PHF12: variants seen among roughly 807,000 people sequenced by gnomAD.
PHF12 encodes PHD factor 1.
A neutral mutation model predicts 99.8 loss-of-function variants in PHF12; 6 were observed. The ratio of observed to expected loss-of-function variants is 0.06; its 90% CI spans 0.03 to 0.12. The LOEUF (loss-of-function observed/expected upper bound fraction) is 0.12. Among genes scored for constraint, PHF12 ranks in the 10% least tolerant of loss-of-function variants. The probability of loss-of-function intolerance (pLI) is 1.00; values close to 1 mark genes in which losing one functional copy is unlikely to be tolerated. For synonymous variants in PHF12, 480 were observed against 514.9 expected (o/e 0.93, Z 0.92); for missense variants, 954 against 1,300.1 (o/e 0.73, Z 4.09).
chr17:28,943,516 G>A (rs1243385977), intron 2 of PHF12, among the ~76,000 whole-genome samples: 1 of 152,108 alleles, frequency 6.6e-6, no homozygotes, highest in Non-Finnish European at 1.5e-5. Context: ...TGTAATCCCA[G>A]CTACCCGGGA....
chr17:28,950,885 CCACTCTTACCTCCAT>C lies in PHF12; in HGVS notation c.61_66+9del. On this transcript the variant is annotated splice_donor_variant and splice_donor_5th_base_variant and coding_sequence_variant and intron_variant, in exon 1 of 15. Transcript: ENST00000332830. LOFTEE classifies it high-confidence loss of function. This position sits in a 1 kb window ranked among gnomAD's most constrained non-coding sequence, Gnocchi z 5.7. Reference sequence around the variant, plus strand: ...CGCTGGAGGAAGGAGATGAGGAGGGCCACTCTTACCTCCATCAGCCCCCCTGATGTGTCCAAGTCG... The same window carrying C: ...CGCTGGAGGAAGGAGATGAGGAGGGCCAGCCCCCCTGATGTGTCCAAGTCG... 6.2e-7 allele frequency: 1 copy of C among 1,612,970 alleles called. No homozygotes were observed. Among genetic ancestry groups the C allele is most frequent in the Non-Finnish European group, 8.5e-7 (1 of 1,179,404 alleles).
chr17:28,922,117 A>G (rs2040177562), intron 4 of PHF12, among the ~76,000 whole-genome samples: 1 of 151,616 alleles, frequency 6.6e-6, no homozygotes, highest in African/African-American at 2.4e-5. Context: ...TAAGAAATGT[A>G]AATGTCCAAG....
At position 28,906,529 on chromosome 17, in the gene PHF12, GGGGAT is replaced by G; in HGVS notation, c.2681-17_2681-13del. On this transcript the variant is annotated splice_polypyrimidine_tract_variant and intron_variant, in intron 14 of 14. Transcript: ENST00000332830. The surrounding 1 kb of genome is among the most constrained non-coding windows in gnomAD (Gnocchi z 4.2). ...GTGCCGGCGGCGCCCTGGGAAAAAG[GGGGAT>G]GGTCACAGAAGAGGAACAGTGAGCA... is the stretch of plus-strand genomic sequence containing the variant. 6.3e-7 allele frequency: 1 copy of G among 1,588,690 alleles called. No individual in the cohort carries two copies. Among genetic ancestry groups the G allele is most frequent in the Admixed American group, 1.7e-5 (1 of 58,608 alleles).
At chr17:28,907,049 T>A in intron 13 of PHF12, 55 bp from the exon 14 acceptor site, 1 of 1,543,064 alleles carries the variant, frequency 6.5e-7, no homozygotes, top group South Asian at 1.2e-5. Flanking sequence ...GGCCTGGGGC[T>A]AAGGGGAGAG....
intron 2 of PHF12, among the ~76,000 whole-genome samples, chr17:28,942,713 G>A (rs960329152): frequency 5.3e-5 from 8 of 152,042 alleles, no homozygotes; most frequent in Non-Finnish European, 1.2e-4. Context: ...CTACTTGGGA[G>A]GCTGAGGCAG....
At position 28,924,541 on chromosome 17, in the gene PHF12, T is replaced by C. The variant is rs1166144031; in HGVS notation, c.322-239A>G. 12 of 580,938 alleles carry C rather than the reference T, an allele frequency of 2.1e-5. 1 individual carries two copies. Among genetic ancestry groups the C allele is most frequent in the Non-Finnish European group, 3.1e-6 (1 of 326,532 alleles). The allele number at this position is 580,938 out of a possible 1,614,324, so 36.0% of individuals were successfully genotyped here. A position where few individuals can be genotyped will look rare whatever the true frequency, so the allele number is the denominator to read the frequency against. On this transcript the variant is annotated intron_variant, in intron 3 of 14. Transcript: ENST00000332830. ...AAAAGCATGGTAAGTTAGGAATAAC[T>C]ATACAAAATATATATCATTAACATT...
chr17:28,907,964 A>G (rs2039899533), intron 12 of PHF12: 1 of 269,800 alleles, frequency 3.7e-6, no homozygotes, highest in Non-Finnish European at 7.3e-6. Flanking sequence ...CTATGAAAAT[A>G]CAACATCGGG....
intron 2 of PHF12, among the ~76,000 whole-genome samples, chr17:28,944,311 A>T (rs2040681065): frequency 6.6e-6 from 1 of 152,204 alleles, no homozygotes; most frequent in South Asian, 2.1e-4. Flanking sequence ...GACAGGCCTT[A>T]AGTGAAAAAT....
At chr17:28,947,433 C>G (rs1307560300) in intron 2 of PHF12, among the ~76,000 whole-genome samples, 2 of 151,964 alleles carry the variant, frequency 1.3e-5, no homozygotes, top group Non-Finnish European at 2.9e-5. Context: ...CAAAAATTAG[C>G]TGGGTGTGGT....
chr17:28,948,454 T>G (rs1376775400), intron 2 of PHF12, among the ~76,000 whole-genome samples: 1 of 152,208 alleles, frequency 6.6e-6, no homozygotes, highest in Admixed American at 6.5e-5. Context: ...CCTTAGTCAC[T>G]TCATAATAAA....
rs370889522 is a variant in PHF12, at chr17:28,911,096, C to T, written c.2215+16G>A. The T allele has an allele frequency of 3.7e-6, 6 of 1,613,890 alleles. No homozygotes were observed. Among genetic ancestry groups the T allele is most frequent in the Non-Finnish European group, 5.1e-6 (6 of 1,179,940 alleles). On this transcript the variant is annotated intron_variant, in intron 10 of 14. Coordinates refer to ENST00000332830, the MANE Select transcript of PHF12 (RefSeq NM_001033561.2). ...AACATAGCAAACGGTGGAACAGCAG[C>T]AGCTCATTCACTCACCTCCATTGAC... is the stretch of plus-strand genomic sequence containing the variant.
chr17:28,928,371 C>T (rs557799267), intron 2 of PHF12: 16 of 152,306 alleles, frequency 1.1e-4, no homozygotes, highest in African/African-American at 3.6e-4. Flanking sequence ...AACCAAACAG[C>T]TTTTCCATGA....
At chr17:28,930,605 T>G (rs1167101237) in intron 2 of PHF12, among the ~76,000 whole-genome samples, 2 of 152,266 alleles carry the variant, frequency 1.3e-5, no homozygotes, top group African/African-American at 2.4e-5. Flanking sequence ...CTGGCAAGCC[T>G]GTACTTACTG....
rs1221983019 is a variant in PHF12, at chr17:28,905,636, T to C, written c.*547A>G. 1 of 152,726 alleles carries C rather than the reference T, an allele frequency of 6.5e-6. No homozygotes were observed. Among genetic ancestry groups the C allele is most frequent in the African/African-American group, 2.4e-5 (1 of 41,448 alleles). 9.5% of individuals were successfully genotyped at this position (152,726 alleles called of 1,614,324 possible). The stretch of plus-strand genomic sequence containing the variant: ...TCATTTGTCCATAATACACAGTAGC[T>C]ACCTGTAGTGCAACCGCTGCAGAAA... On this transcript the variant is annotated 3_prime_UTR_variant, in exon 15 of 15. Transcript: ENST00000332830.
In PHF12 at chr17:28,951,422, G is replaced by A. The variant is rs1567976493; in HGVS notation, c.-462C>T. On this transcript the variant is annotated 5_prime_UTR_variant, in exon 1 of 15. Transcript: ENST00000332830. ...TCCCCGGGCTCCGCCTCTCGCCGCC[G>A]CCGCCGTCTGCGTCCCGGCTGCCGC... The A allele has an allele frequency of 1.0e-6, 1 of 987,184 alleles. No homozygotes were observed. Among genetic ancestry groups the A allele is most frequent in the Non-Finnish European group, 1.2e-6 (1 of 831,120 alleles). 61.2% of individuals were successfully genotyped at this position (987,184 alleles called of 1,614,324 possible).
intron 2 of PHF12, among the ~76,000 whole-genome samples, chr17:28,946,462 C>G (rs889431043): frequency 3.9e-5 from 6 of 152,030 alleles, no homozygotes; most frequent in Non-Finnish European, 8.8e-5. Flanking sequence ...TTTGACTAGT[C>G]ATTTCCTTAC....
intron 2 of PHF12, 66 bp from the exon 3 acceptor site, chr17:28,927,129 T>C: frequency 1.4e-6 from 2 of 1,436,334 alleles, no homozygotes; most frequent in Non-Finnish European, 1.9e-6. Flanking sequence ...AAAGCCTAGC[T>C]AGGTTTGCAT....
intron 2 of PHF12, among the ~76,000 whole-genome samples, chr17:28,948,770 C>G (rs1382658992): frequency 6.6e-6 from 1 of 152,086 alleles, no homozygotes; most frequent in Non-Finnish European, 1.5e-5. Context: ...AAAAAGAGGG[C>G]TAAAAAAGGC....
At chr17:28,910,950 A>T (rs2039948472) in intron 10 of PHF12, 162 bp downstream of exon 10, 18 of 943,192 alleles carry the variant, frequency 1.9e-5, no homozygotes, top group Non-Finnish European at 2.4e-5. Flanking sequence ...TTTCTTTTTC[A>T]CCCCGCCCCC....
Sources: gnomAD v4.1 joint callset for allele counts (sites outside exome capture counted in the v4.1 genomes callset) on GRCh38, gnomAD v4.1.1 for gene constraint, Gnocchi (gnomAD v3.1) non-coding constraint, MANE v1.5 for transcripts, NCBI Gene and HGNC (gene_info 2026-07-23, HGNC 2026-07-21) for gene names.